The following CCDC15 variants were observed in gnomAD, a reference collection of about 807,000 sequenced individuals.
The protein encoded by CCDC15 is coiled-coil domain-containing protein 15.
CCDC15 carries 105 observed loss-of-function variants against 114.5 expected under a neutral mutation model. The ratio of observed to expected loss-of-function variants is 0.92; its 90% confidence interval spans 0.78 to 1.08. The LOEUF (loss-of-function observed/expected upper bound fraction) is 1.08. Ranked by LOEUF, CCDC15 falls within the 50% of genes least tolerant of loss-of-function variation. The pLI is 0.00. For missense variants in CCDC15, 1,105 were observed against 1,093.6 expected, an observed-to-expected ratio of 1.01 and a Z score of -0.15; for synonymous variants, 334 against 377.8, an observed-to-expected ratio of 0.88 and a Z score of 1.34.
intron 7 of CCDC15, 72 bp from the exon 8 acceptor site, chr11:124,987,055 C>T (rs4608089): frequency 0.99 from 1,361,244 of 1,381,834 alleles, 670,509 homozygotes; most frequent in East Asian, 1. Flanking sequence ...TTTGATATTT[C>T]GATTATTTTG....
At chr11:124,986,698 T>TGCGCGCGC (rs777233071) in intron 6 of CCDC15, 44 bp from the exon 7 acceptor site, 3 of 1,437,396 alleles carry the variant, frequency 2.1e-6, no homozygotes, top group African/African-American at 1.6e-5. Context: ...TGTTTGTGTG[T>TGCGCGCGC]GTGCGCGCGC....
intron 4 of CCDC15, among the ~76,000 whole-genome samples, chr11:124,965,368 G>A (rs562400680): frequency 1.5e-4 from 23 of 152,246 alleles, no homozygotes; most frequent in African/African-American, 5.3e-4. Context: ...GTTTAGTCTT[G>A]GGAGGGTGTA....
chr11:125,022,758 T>A (rs1948669955), intron 13 of CCDC15, among the ~76,000 whole-genome samples: 1 of 151,996 alleles, frequency 6.6e-6, no homozygotes, highest in African/African-American at 2.4e-5. Flanking sequence ...ACTGGCCTCA[T>A]ACTACTGTTC....
chr11:125,013,742 G>A (rs190769590), intron 13 of CCDC15, among the ~76,000 whole-genome samples: 27 of 152,324 alleles, frequency 1.8e-4, no homozygotes, highest in African/African-American at 6.0e-4. Context: ...TCAGCTTCAG[G>A]AGCATGTGAA....
At chr11:124,990,433 T>TTG (rs1948248165) in intron 8 of CCDC15, among the ~76,000 whole-genome samples, 1 of 152,202 alleles carries the variant, frequency 6.6e-6, no homozygotes, top group Non-Finnish European at 1.5e-5. Context: ...GAGCACATGC[T>TTG]GTTGGAAAAG....
chr11:124,986,039 T>C (rs1034720997), intron 6 of CCDC15, among the ~76,000 whole-genome samples: 1 of 152,218 alleles, frequency 6.6e-6, no homozygotes, highest in South Asian at 2.1e-4. Context: ...TTATGTATGC[T>C]GTAAATAAGT....
intron 4 of CCDC15, among the ~76,000 whole-genome samples, chr11:124,967,199 G>C (rs1378480860): frequency 6.6e-6 from 1 of 152,194 alleles, no homozygotes; most frequent in Non-Finnish European, 1.5e-5. Flanking sequence ...CTAGGTTGGG[G>C]AAGTTCTCCT....
Position 124,987,133 on chromosome 11 carries a change from A to G in CCDC15, c.907A>G (p.Lys303Glu). 1 of 1,507,056 alleles carries G rather than the reference A, an allele frequency of 6.6e-7. No individual in the cohort carries two copies. Among genetic ancestry groups the G allele is most frequent in the Non-Finnish European group, 8.8e-7 (1 of 1,130,718 alleles). 93.4% of individuals were successfully genotyped at this position (1,507,056 alleles called of 1,614,324 possible). A position where few individuals can be genotyped will look rare whatever the true frequency, so the allele number is the denominator to read the frequency against. Reference protein sequence around the residue: ...NKPFSRVQKVKFKNPLFVLME... With the variant: ...NKPFSRVQKVEFKNPLFVLME... ...TGTTTATGTTCACTTTTAGAAAGTA[A>G]AATTCAAAAATCCATTATTTGTTCT... Residue 303 changes from lysine to glutamate, a missense_variant, in exon 8 of 16, where the codon AAA becomes GAA. Coordinates refer to ENST00000344762, the MANE Select transcript of CCDC15 (RefSeq NM_025004.3).
Position 124,992,639 on chromosome 11 carries a change from T to C in CCDC15, c.2091T>C (p.His697=), listed in dbSNP as rs955729553. The C allele has an allele frequency of 4.4e-6, 7 of 1,600,772 alleles. No individual in the cohort carries two copies. The East Asian group carries it at 9.0e-5, about 20-fold the overall frequency. The change falls in exon 10 of 16, where the codon CAT becomes CAC. Residue 697 remains histidine, a synonymous_variant. Coordinates refer to ENST00000344762, the MANE Select transcript of CCDC15 (RefSeq NM_025004.3). ...RVREELPLDY[H]QYVVPKIQDQ... Reference sequence around the variant, plus strand: ...GAGAAGAATTGCCTCTGGACTATCATCAATATGTTGTACCTAAAATCCAGG... The same window carrying C: ...GAGAAGAATTGCCTCTGGACTATCACCAATATGTTGTACCTAAAATCCAGG...
intron 13 of CCDC15, among the ~76,000 whole-genome samples, chr11:125,026,112 T>C (rs1394375849): frequency 6.6e-6 from 1 of 152,166 alleles, no homozygotes; most frequent in Non-Finnish European, 1.5e-5. Context: ...CTAGCTGGCT[T>C]TGAGCTCTGA....
intron 6 of CCDC15, among the ~76,000 whole-genome samples, chr11:124,984,011 G>A (rs1948116310): frequency 2.0e-5 from 3 of 152,098 alleles, no homozygotes; most frequent in Admixed American, 2.0e-4. Context: ...AGCAGTGGCC[G>A]TGCAGGGCAG....
At chr11:125,037,368 G>A (rs775068039) in intron 13 of CCDC15, 3 of 152,222 alleles carry the variant, frequency 2.0e-5, no homozygotes, top group Non-Finnish European at 4.4e-5. Context: ...GTGGACTCTA[G>A]TCACTGTTCT....
At chr11:125,026,948 T>C (rs1014600581) in intron 13 of CCDC15, among the ~76,000 whole-genome samples, 4 of 152,196 alleles carry the variant, frequency 2.6e-5, no homozygotes, top group Non-Finnish European at 5.9e-5. Context: ...CTTTGCATCC[T>C]CATAGCTTAG....
Position 124,959,231 on chromosome 11 carries a change from A to T in CCDC15, c.294A>T (p.Arg98Ser). 1 of 1,582,254 alleles carries T rather than the reference A, an allele frequency of 6.3e-7. No individual in the cohort carries two copies. The highest frequency in any genetic ancestry group is 8.6e-7 in the Non-Finnish European group (1 of 1,169,270). ...GAGTAAATCAACAAATTAGGTTGAG[A>T]AAAAAGCAACAGCTTCAGAAGTCTT... ...KYRVNQQIRL[R>S]KKQQLQKSYE... The change falls in exon 3 of 16, where the codon AGA becomes AGT. Residue 98 changes from arginine (R) to serine (S), a missense_variant. By Grantham distance (110) the Arg-to-Ser change is moderately radical. Coordinates refer to ENST00000344762, the MANE Select transcript of CCDC15 (RefSeq NM_025004.3).
chr11:125,012,447 T>C (rs1948599517), intron 13 of CCDC15, among the ~76,000 whole-genome samples: 1 of 152,212 alleles, frequency 6.6e-6, no homozygotes, highest in Admixed American at 6.5e-5. Context: ...ATTCCTTTTC[T>C]TGAAGAACTC....
intron 13 of CCDC15, among the ~76,000 whole-genome samples, chr11:125,027,056 A>T (rs559149603): frequency 6.6e-6 from 1 of 152,298 alleles, no homozygotes; most frequent in African/African-American, 2.4e-5. Flanking sequence ...GTTGCTGCAA[A>T]GGCCATTATT....
At chr11:124,964,279 G>T (rs1947726990) in intron 4 of CCDC15, among the ~76,000 whole-genome samples, 1 of 152,198 alleles carries the variant, frequency 6.6e-6, no homozygotes, top group Non-Finnish European at 1.5e-5. Flanking sequence ...CATGAGCATG[G>T]AATGTTCTTC....
At chr11:124,962,422 A>C (rs1947683331) in intron 4 of CCDC15, among the ~76,000 whole-genome samples, 1 of 152,226 alleles carries the variant, frequency 6.6e-6, no homozygotes, top group Non-Finnish European at 1.5e-5. Flanking sequence ...TTAAATAATA[A>C]AAGAATGAGG....
chr11:124,958,457 C>A (rs1157149435), intron 2 of CCDC15, among the ~76,000 whole-genome samples: 3 of 151,818 alleles, frequency 2.0e-5, no homozygotes, highest in Non-Finnish European at 4.4e-5. Context: ...TATTGGACAC[C>A]CCTGGTTTAG....
Sources: allele counts gnomAD v4.1 joint callset (sites outside exome capture counted in the v4.1 genomes callset), GRCh38; gene constraint gnomAD v4.1.1; transcripts MANE v1.5; gene names NCBI Gene and HGNC (gene_info 2026-07-23, HGNC 2026-07-21).